Variants in MAML1 observed in about 807,000 individuals in gnomAD.
The protein encoded by MAML1 is mastermind like transcriptional coactivator 1.
MAML1 carries 14 observed loss-of-function variants against 77.1 expected under a neutral mutation model. That is an observed-to-expected ratio of 0.18 (90% confidence interval 0.12 to 0.28). The LOEUF (loss-of-function observed/expected upper bound fraction) is 0.28. Ranked by LOEUF, MAML1 falls within the 10% of genes least tolerant of loss-of-function variation. The pLI is 1.00. For synonymous variants in MAML1, 516 were observed against 551.9 expected, an observed-to-expected ratio of 0.93 and a Z score of 0.91; for missense variants, 1,217 against 1,327.8, an observed-to-expected ratio of 0.92 and a Z score of 1.30.
At position 179,766,245 on chromosome 5, in the gene MAML1, T is replaced by C; in HGVS notation, c.1235T>C (p.Leu412Pro). 1.2e-6 allele frequency: 2 copies of C among 1,613,346 alleles called. No homozygotes were observed. Among genetic ancestry groups the C allele is most frequent in the South Asian group, 2.2e-5 (2 of 91,014 alleles). The change falls in exon 2 of 5, where the codon CTC becomes CCC. Residue 412 changes from leucine (L) to proline (P), a missense_variant. Leu to Pro is a moderately conservative substitution (Grantham distance 98, BLOSUM62 -3). Around this residue, in one of 3 missense-constraint regions of MAML1, gnomAD observed 884 missense variants for 949.3 expected, o/e 0.93. Coordinates refer to ENST00000292599, the MANE Select transcript of MAML1 (RefSeq NM_014757.5). The surrounding 1 kb of genome is among the most constrained non-coding windows in gnomAD (Gnocchi z 4.0). ...IAAKQKREQM[L>P]QNPQQATPAP... ...GCCAAGCAGAAGCGCGAGCAGATGC[T>C]CCAGAACCCACAGCAGGCCACCCCG... is the stretch of plus-strand genomic sequence containing the variant.
rs1357109152 is a variant in MAML1 at position 179,733,149 on chromosome 5, C to T, written c.37C>T (p.Leu13=). Residue 13 remains leucine (L), a synonymous_variant, in exon 1 of 5, where the codon CTG becomes TTG. Coordinates refer to ENST00000292599, the MANE Select transcript of MAML1 (RefSeq NM_014757.5). ...CACCTGCCCCATGGCGGAGTTCGCG[C>T]TGCCGCGGCACAGCGCGGTCATGGA... ...LPTCPMAEFA[L]PRHSAVMERL... is the part of the protein sequence containing the mutation. 1.6e-5 allele frequency: 23 copies of T among 1,452,620 alleles called. No homozygotes were observed. The highest frequency in any genetic ancestry group is 9.0e-5 in the South Asian group (7 of 77,662). The allele number at this position is 1,452,620 out of a possible 1,614,324, so 90.0% of individuals were successfully genotyped here. A position where few individuals can be genotyped will look rare whatever the true frequency, so the allele number is the denominator to read the frequency against.
At position 179,777,242 on chromosome 5, in the gene MAML1, GT is replaced by G; in HGVS notation, c.*2369del. The G allele has an allele frequency of 1.0e-6, 1 of 964,640 alleles. No homozygotes were observed. Among genetic ancestry groups the G allele is most frequent in the Non-Finnish European group, 1.2e-6 (1 of 810,990 alleles). The allele number at this position is 964,640 out of a possible 1,614,324, so 59.8% of individuals were successfully genotyped here. A position where few individuals can be genotyped will look rare whatever the true frequency, so the allele number is the denominator to read the frequency against. On this transcript the variant is annotated 3_prime_UTR_variant, in exon 5 of 5. Coordinates refer to ENST00000292599, the MANE Select transcript of MAML1 (RefSeq NM_014757.5). The stretch of plus-strand genomic sequence containing the variant: ...CCAAAAAGAAATCTTTACTTTCCTT[GT>G]TTTATCATTATAAAAATAAAGTATT...
At chr5:179,737,640 G>C (rs1779192627) in intron 1 of MAML1, among the ~76,000 whole-genome samples, 1 of 152,158 alleles carries the variant, frequency 6.6e-6, no homozygotes, top group African/African-American at 2.4e-5. Context: ...GAAGGGATCA[G>C]ATTTACTGCT....
intron 1 of MAML1, among the ~76,000 whole-genome samples, chr5:179,751,755 T>A (rs1779493630): frequency 6.6e-6 from 1 of 152,028 alleles, no homozygotes; most frequent in South Asian, 2.1e-4. Context: ...CTCATGCCTG[T>A]AATCCCAGCA....
intron 1 of MAML1, among the ~76,000 whole-genome samples, chr5:179,753,660 T>TA (rs1562560525): frequency 5.5e-4 from 58 of 105,428 alleles, no homozygotes; most frequent in Non-Finnish European, 6.8e-4. Context: ...TATTATTTTT[T>TA]TTTTTTTTTT....
chr5:179,773,262 C>A (rs1320217562), intron 4 of MAML1, among the ~76,000 whole-genome samples: 8 of 152,242 alleles, frequency 5.3e-5, no homozygotes, highest in Non-Finnish European at 1.0e-4. Flanking sequence ...CTCTAACCAG[C>A]TGGCCACTGT....
chr5:179,763,052 C>T (rs1779750347), intron 1 of MAML1, among the ~76,000 whole-genome samples: 1 of 152,230 alleles, frequency 6.6e-6, no homozygotes, highest in Non-Finnish European at 1.5e-5. Flanking sequence ...CCAGCTGACT[C>T]ATCAAGTGCC....
At chr5:179,742,774 A>G (rs1209101761) in intron 1 of MAML1, among the ~76,000 whole-genome samples, 1 of 152,148 alleles carries the variant, frequency 6.6e-6, no homozygotes, top group Non-Finnish European at 1.5e-5. Context: ...AAATTGTACC[A>G]CTGCACTCCA....
At chr5:179,737,515 T>C (rs938251782) in intron 1 of MAML1, among the ~76,000 whole-genome samples, 8 of 152,208 alleles carry the variant, frequency 5.3e-5, no homozygotes, top group Admixed American at 5.2e-4. Context: ...TTTGATCTCA[T>C]TAATATTTCT....
chr5:179,740,294 G>GT (rs892320792), intron 1 of MAML1, among the ~76,000 whole-genome samples: 1 of 151,970 alleles, frequency 6.6e-6, no homozygotes, highest in Non-Finnish European at 1.5e-5. Flanking sequence ...TCCAACTTAG[G>GT]TTTTTTTGCT....
rs1221974759 is a variant in MAML1 at position 179,771,309 on chromosome 5, G to A, written c.2068+66G>A. ...GCTGCCTGGTGCTGGTTGAATCCCT[G>A]CTGTCTGCCCAGCTCTATGCCTTGA... On this transcript the variant is annotated intron_variant, in intron 4 of 4. Transcript: ENST00000292599. This position sits in a 1 kb window ranked among gnomAD's most constrained non-coding sequence, Gnocchi z 4.7. The A allele has an allele frequency of 2.2e-6, 3 of 1,362,848 alleles. No homozygotes were observed. Among genetic ancestry groups the A allele is most frequent in the East Asian group, 4.6e-5 (2 of 43,494 alleles). The allele number at this position is 1,362,848 out of a possible 1,614,324, so 84.4% of individuals were successfully genotyped here. A position where few individuals can be genotyped will look rare whatever the true frequency, so the allele number is the denominator to read the frequency against.
At chr5:179,761,647 A>T (rs1779728432) in intron 1 of MAML1, among the ~76,000 whole-genome samples, 1 of 152,120 alleles carries the variant, frequency 6.6e-6, no homozygotes, top group Non-Finnish European at 1.5e-5. Flanking sequence ...GTGAGCCGAG[A>T]TTGCACCATT....
rs772953624 is a variant in MAML1 at position 179,766,640 on chromosome 5, C to T, written c.1630C>T (p.Pro544Ser). 4 of 1,612,394 alleles carry T rather than the reference C, an allele frequency of 2.5e-6. No individual in the cohort carries two copies. The highest frequency in any genetic ancestry group is 2.7e-5 in the African/African-American group (2 of 74,888). ...QSKPALMAYL[P>S]QQLSHISHEQ... Reference sequence around the variant, plus strand: ...CAAGCCAGCCCTGATGGCTTATCTTCCCCAGCAGCTGTCCCATATAAGTCA... The same window carrying T: ...CAAGCCAGCCCTGATGGCTTATCTTTCCCAGCAGCTGTCCCATATAAGTCA... Residue 544 changes from proline (P) to serine (S), a missense_variant, in exon 2 of 5, where the codon CCC (proline) becomes TCC (serine). Physicochemically the swap from Pro to Ser is moderately conservative, Grantham distance 74. Coordinates refer to ENST00000292599, the MANE Select transcript of MAML1 (RefSeq NM_014757.5). This position sits in a 1 kb window ranked among gnomAD's most constrained non-coding sequence, Gnocchi z 4.0.
chr5:179,772,157 C>T (rs990532822), intron 4 of MAML1, among the ~76,000 whole-genome samples: 4 of 152,184 alleles, frequency 2.6e-5, no homozygotes, highest in African/African-American at 7.2e-5. Flanking sequence ...CTTGGTCTGT[C>T]GCCCAGGCTG....
intron 1 of MAML1, among the ~76,000 whole-genome samples, chr5:179,748,185 C>T (rs1290843076): frequency 2.0e-5 from 3 of 152,118 alleles, no homozygotes; most frequent in African/African-American, 2.4e-5. Flanking sequence ...TGGATTCAAG[C>T]GATCCTTGTG....
intron 1 of MAML1, among the ~76,000 whole-genome samples, chr5:179,740,371 C>T (rs1198010988): frequency 1.3e-5 from 2 of 152,056 alleles, no homozygotes; most frequent in Non-Finnish European, 2.9e-5. Flanking sequence ...CCCGGGTTCA[C>T]GCCATTTTCC....
intron 1 of MAML1, among the ~76,000 whole-genome samples, chr5:179,755,715 T>TA (rs59906526): frequency 6.6e-6 from 1 of 151,458 alleles, no homozygotes; most frequent in Non-Finnish European, 1.5e-5. Context: ...TTTTTTTTTT[T>TA]AAGCTCATCA....
chr5:179,756,418 G>A, intron 1 of MAML1, among the ~76,000 whole-genome samples: 1 of 144,592 alleles, frequency 6.9e-6, no homozygotes. Flanking sequence ...GCGACAGACA[G>A]AGCGGGACTC....
intron 1 of MAML1, among the ~76,000 whole-genome samples, chr5:179,753,223 G>GTGTGTGTGCA (rs1779538168): frequency 3.9e-5 from 1 of 25,384 alleles, no homozygotes; most frequent in African/African-American, 9.0e-5. Flanking sequence ...GTGTGTGTGT[G>GTGTGTGTGCA]CGCGCGCGCG....
Sources: gnomAD v4.1 joint callset for allele counts (sites outside exome capture counted in the v4.1 genomes callset) on GRCh38, gnomAD v4.1.1 for gene constraint, gnomAD v4.1.1 regional missense constraint, Gnocchi (gnomAD v3.1) non-coding constraint, MANE v1.5 for transcripts, NCBI Gene and HGNC (gene_info 2026-07-23, HGNC 2026-07-21) for gene names.